Variants in SNAP23 observed in about 807,000 individuals in gnomAD.
SNAP23 encodes synaptosome associated protein 23, also known as synaptosomal-associated protein 23.
A neutral mutation model predicts 29.0 loss-of-function variants in SNAP23; 11 were observed. The observed-to-expected ratio is 0.38, with a 90% CI of 0.24 to 0.63. The LOEUF is 0.63. Ranked by LOEUF, SNAP23 falls within the 20% of genes least tolerant of loss-of-function variation. SNAP23 has a pLI of 0.58. For missense variants in SNAP23, 220 were observed against 253.9 expected, an observed-to-expected ratio of 0.87 and a Z score of 0.91; for synonymous variants, 60 against 82.9, an observed-to-expected ratio of 0.72 and a Z score of 1.50.
rs1417477624 is a variant in SNAP23, at chr15:42,521,423, T to G, written c.266+6069T>G. ...ATGAAATGTGCTCTGGTTTAAATAG[T>G]TTTCTTATTTTTCTTTTTATCTAGA... On this transcript the variant is annotated intron_variant, in intron 5 of 7. Coordinates refer to ENST00000249647, the MANE Select transcript of SNAP23 (RefSeq NM_003825.4). 5.1e-6 allele frequency: 5 copies of G among 975,456 alleles called. No homozygotes were observed. The African/African-American group carries it at 8.8e-5, about 17-fold the overall frequency. 60.4% of individuals were successfully genotyped at this position (975,456 alleles called of 1,614,324 possible). A position where few individuals can be genotyped will look rare whatever the true frequency, so the allele number is the denominator to read the frequency against.
chr15:42,526,454 C>T (rs2057503603), intron 5 of SNAP23, among the ~76,000 whole-genome samples: 1 of 152,008 alleles, frequency 6.6e-6, no homozygotes, highest in Non-Finnish European at 1.5e-5. Flanking sequence ...CTTTGCAATG[C>T]CTCTCACAAA....
intron 1 of SNAP23, among the ~76,000 whole-genome samples, chr15:42,503,866 T>C (rs1430264003): frequency 2.0e-5 from 3 of 152,190 alleles, no homozygotes; most frequent in African/African-American, 7.2e-5. Flanking sequence ...ATTTGAGTTA[T>C]AGACTTTGTA....
chr15:42,523,760 A>G (rs1336573407), intron 5 of SNAP23, among the ~76,000 whole-genome samples: 1 of 152,004 alleles, frequency 6.6e-6, no homozygotes, highest in East Asian at 1.9e-4. Flanking sequence ...TAGGATTGGG[A>G]TTTAGTTATT....
chr15:42,503,332 G>A (rs1043753488), intron 1 of SNAP23, among the ~76,000 whole-genome samples: 1 of 151,574 alleles, frequency 6.6e-6, no homozygotes, highest in African/African-American at 2.4e-5. Context: ...CTCCTGAGTA[G>A]CTGGGATTAC....
intron 1 of SNAP23, among the ~76,000 whole-genome samples, chr15:42,501,631 C>G (rs2057271446): frequency 6.6e-6 from 1 of 152,130 alleles, no homozygotes; most frequent in South Asian, 2.1e-4. Flanking sequence ...AGGCTGGTCT[C>G]AAACTCCTGG....
chr15:42,524,248 T>G (rs959119842), intron 5 of SNAP23, among the ~76,000 whole-genome samples: 1 of 152,170 alleles, frequency 6.6e-6, no homozygotes, highest in East Asian at 1.9e-4. Context: ...CCTGGATCGC[T>G]AAATGTCCCA....
At chr15:42,499,100 CT>C (rs1321162615) in intron 1 of SNAP23, among the ~76,000 whole-genome samples, 1 of 150,264 alleles carries the variant, frequency 6.7e-6, no homozygotes, top group Non-Finnish European at 1.5e-5. Flanking sequence ...CAGAGTTTCA[CT>C]CTTGTTGCCC....
At chr15:42,502,267 G>T (rs28402077) in intron 1 of SNAP23, among the ~76,000 whole-genome samples, 3 of 152,004 alleles carry the variant, frequency 2.0e-5, no homozygotes, top group African/African-American at 7.3e-5. Context: ...CTCGTGATCC[G>T]CCTGCCTCAG....
chr15:42,513,999 G>A (rs1490189201), intron 4 of SNAP23, among the ~76,000 whole-genome samples: 1 of 90,646 alleles, frequency 1.1e-5, no homozygotes, highest in Non-Finnish European at 3.4e-5. Flanking sequence ...ATTTTTAGTA[G>A]AGACGGGGTT....
At chr15:42,492,025 C>T (rs1456934631), upstream of SNAP23, among the ~76,000 whole-genome samples, 1 of 152,076 alleles carries the variant, frequency 6.6e-6, no homozygotes, top group Admixed American at 6.6e-5. Context: ...ATAATCCTGC[C>T]TCAGCCTCCC....
intron 1 of SNAP23, among the ~76,000 whole-genome samples, chr15:42,497,300 C>G (rs2057229035): frequency 6.6e-6 from 1 of 151,452 alleles, no homozygotes; most frequent in East Asian, 1.9e-4. Context: ...CCTCCGCCTC[C>G]CAGGGTCAAG....
chr15:42,494,417 T>G (rs1021311528), upstream of SNAP23, among the ~76,000 whole-genome samples: 8 of 147,934 alleles, frequency 5.4e-5, no homozygotes, highest in Admixed American at 2.0e-4. Flanking sequence ...TTTTTTGAGA[T>G]GGAGTCTGGC....
chr15:42,504,171 A>G (rs1285513985), intron 1 of SNAP23, among the ~76,000 whole-genome samples: 1 of 151,712 alleles, frequency 6.6e-6, no homozygotes, highest in Non-Finnish European at 1.5e-5. Flanking sequence ...CTCTACAAAA[A>G]AAAAAATAAT....
intron 5 of SNAP23, among the ~76,000 whole-genome samples, chr15:42,523,416 G>A (rs982925419): frequency 3.9e-5 from 6 of 152,174 alleles, no homozygotes; most frequent in Non-Finnish European, 8.8e-5. Flanking sequence ...CCTGGTCCTA[G>A]TAATCTTTCA....
chr15:42,506,165 T>C (rs151035643), intron 1 of SNAP23, among the ~76,000 whole-genome samples: 34 of 152,048 alleles, frequency 2.2e-4, no homozygotes, highest in African/African-American at 7.7e-4. Context: ...ATGGCTGGTC[T>C]TGAACTCCTG....
At chr15:42,522,474 T>C (rs920069082) in intron 5 of SNAP23, among the ~76,000 whole-genome samples, 19 of 152,152 alleles carry the variant, frequency 1.2e-4, no homozygotes, top group African/African-American at 3.9e-4. Context: ...ATGAGAATTA[T>C]GAACATGATT....
At chr15:42,529,895 C>A in intron 7 of SNAP23, 76 bp downstream of exon 7, 1 of 1,470,958 alleles carries the variant, frequency 6.8e-7, no homozygotes, top group Non-Finnish European at 9.3e-7. Flanking sequence ...GTGCTAGATA[C>A]TGTGGGGGAC....
intron 5 of SNAP23, among the ~76,000 whole-genome samples, chr15:42,519,994 T>C (rs1273280921): frequency 6.6e-6 from 1 of 151,336 alleles, no homozygotes; most frequent in Non-Finnish European, 1.5e-5. Flanking sequence ...ACATCCAGGC[T>C]ACACTATGTA....
chr15:42,530,562 C>T (rs2057554324), intron 7 of SNAP23, among the ~76,000 whole-genome samples: 1 of 152,018 alleles, frequency 6.6e-6, no homozygotes, highest in African/African-American at 2.4e-5. Context: ...GAGTTTGAGA[C>T]CAGAGCAAGA....
Sources: gnomAD v4.1 joint callset for allele counts (sites outside exome capture counted in the v4.1 genomes callset) on GRCh38, gnomAD v4.1.1 for gene constraint, MANE v1.5 for transcripts, NCBI Gene and HGNC (gene_info 2026-07-23, HGNC 2026-07-21) for gene names.